The following SLC39A8 variants were observed in gnomAD, a reference collection of about 807,000 sequenced individuals.
The protein encoded by SLC39A8 is metal cation symporter ZIP8.
A neutral mutation model predicts 40.4 loss-of-function variants in SLC39A8; 15 were observed. The observed-to-expected ratio is 0.37, with a 90% CI of 0.25 to 0.57. The LOEUF (loss-of-function observed/expected upper bound fraction) is 0.57. SLC39A8 is among the 20% of genes least tolerant of loss of function. The pLI is 0.75. For synonymous variants in SLC39A8, 223 were observed against 221.6 expected (o/e 1.01, Z -0.06); for missense variants, 472 against 558.8 (o/e 0.84, Z 1.57).
intron 6 of SLC39A8, among the ~76,000 whole-genome samples, chr4:102,292,926 G>A (rs940135113): frequency 1.3e-5 from 2 of 151,986 alleles, no homozygotes; most frequent in Non-Finnish European, 2.9e-5. Context: ...AAGAAAGTGA[G>A]TTTTAGAAGT....
At chr4:102,299,215 A>G (rs1733805364) in intron 6 of SLC39A8, among the ~76,000 whole-genome samples, 2 of 151,948 alleles carry the variant, frequency 1.3e-5, no homozygotes, top group Admixed American at 6.6e-5. Context: ...ATGGAGAAAA[A>G]CACACCACCC....
chr4:102,312,823 G>A (rs1734490141), intron 3 of SLC39A8, among the ~76,000 whole-genome samples: 1 of 152,098 alleles, frequency 6.6e-6, no homozygotes, highest in Non-Finnish European at 1.5e-5. Flanking sequence ...GCAGGAAAAG[G>A]TTAAAGTCAT....
At chr4:102,265,537 A>T (rs945471520) in intron 8 of SLC39A8, among the ~76,000 whole-genome samples, 1 of 152,236 alleles carries the variant, frequency 6.6e-6, no homozygotes, top group Non-Finnish European at 1.5e-5. Flanking sequence ...TATTCAAAAA[A>T]TGGCACTGAC....
chr4:102,289,538 T>C (rs1733329172), intron 6 of SLC39A8, among the ~76,000 whole-genome samples: 2 of 152,126 alleles, frequency 1.3e-5, no homozygotes, highest in African/African-American at 4.8e-5. Context: ...GCAAAGGAAG[T>C]TGAAAACCTT....
chr4:102,257,199 TGCTAG>T, downstream of SLC39A8, among the ~76,000 whole-genome samples: 6 of 151,946 alleles, frequency 3.9e-5, no homozygotes, highest in African/African-American at 1.4e-4. Context: ...CTGTTACCCA[TGCTAG>T]AGTGCAGTGG....
At chr4:102,288,584 G>A (rs1733288379) in intron 6 of SLC39A8, among the ~76,000 whole-genome samples, 1 of 152,146 alleles carries the variant, frequency 6.6e-6, no homozygotes, top group South Asian at 2.1e-4. Flanking sequence ...TAGGTTTTGT[G>A]TGCCAAACAG....
chr4:102,323,112 G>C (rs1735034551), intron 2 of SLC39A8, among the ~76,000 whole-genome samples: 1 of 152,130 alleles, frequency 6.6e-6, no homozygotes, highest in Admixed American at 6.5e-5. Flanking sequence ...GCGATCTCCT[G>C]TTCTTTAAAG....
intron 6 of SLC39A8, among the ~76,000 whole-genome samples, chr4:102,288,844 T>C (rs1023357291): frequency 6.6e-6 from 1 of 152,108 alleles, no homozygotes; most frequent in Non-Finnish European, 1.5e-5. Context: ...AATTGGTTCA[T>C]TGGGTTTAAG....
intron 2 of SLC39A8, among the ~76,000 whole-genome samples, chr4:102,318,270 G>A (rs1411928814): frequency 6.6e-6 from 1 of 152,156 alleles, no homozygotes; most frequent in Non-Finnish European, 1.5e-5. Flanking sequence ...CAGGTGGTCA[G>A]GGATAGTCAC....
At chr4:102,315,437 TTAAGTGTACTAAATG>T (rs538318412) in intron 3 of SLC39A8, among the ~76,000 whole-genome samples, 89 of 152,276 alleles carry the variant, frequency 5.8e-4, no homozygotes, top group African/African-American at 2.1e-3. Context: ...TATAAAGTTT[TTAAGTGTACTAAATG>T]TAATTTTGAT....
At chr4:102,269,213 C>T (rs1236578972) in intron 6 of SLC39A8, among the ~76,000 whole-genome samples, 1 of 152,086 alleles carries the variant, frequency 6.6e-6, no homozygotes, top group African/African-American at 2.4e-5. Flanking sequence ...TACTTCAGAG[C>T]AACCATCTAA....
At chr4:102,285,874 T>C (rs1733159335) in intron 6 of SLC39A8, among the ~76,000 whole-genome samples, 1 of 152,152 alleles carries the variant, frequency 6.6e-6, no homozygotes, top group Non-Finnish European at 1.5e-5. Flanking sequence ...GAGATGGATT[T>C]CATTTATTAC....
chr4:102,268,748 G>A (rs557102463), intron 6 of SLC39A8, among the ~76,000 whole-genome samples: 1 of 152,288 alleles, frequency 6.6e-6, no homozygotes, highest in Non-Finnish European at 1.5e-5. Flanking sequence ...AGTGTAAATG[G>A]AACAGGCTAG....
intron 6 of SLC39A8, among the ~76,000 whole-genome samples, chr4:102,286,153 G>C (rs1295893412): frequency 2.0e-5 from 3 of 152,140 alleles, no homozygotes; most frequent in Non-Finnish European, 4.4e-5. Context: ...AATAGAATAA[G>C]TATTTAAATA....
intron 5 of SLC39A8, 68 bp downstream of exon 5, chr4:102,304,921 C>T: frequency 7.3e-7 from 1 of 1,373,114 alleles, no homozygotes. Flanking sequence ...AAATTTCTGT[C>T]TTTATTTGCC....
intron 6 of SLC39A8, among the ~76,000 whole-genome samples, chr4:102,287,099 A>G (rs1445376818): frequency 6.6e-6 from 1 of 152,132 alleles, no homozygotes; most frequent in Non-Finnish European, 1.5e-5. Flanking sequence ...ATTTAATATA[A>G]TAATAGCTAA....
intron 3 of SLC39A8, 22 bp downstream of exon 3, chr4:102,315,646 A>G (rs767765527): frequency 6.4e-7 from 1 of 1,570,458 alleles, no homozygotes; most frequent in Non-Finnish European, 8.6e-7. Flanking sequence ...CAAATAAAAG[A>G]GAAAAAATGC....
At chr4:102,297,930 CA>C (rs2149028838) in intron 6 of SLC39A8, among the ~76,000 whole-genome samples, 1 of 151,694 alleles carries the variant, frequency 6.6e-6, no homozygotes, top group Admixed American at 6.6e-5. Flanking sequence ...AACAACAAAA[CA>C]AAACAAAACT....
rs1310050970 is a variant in SLC39A8 at position 102,344,919 on chromosome 4, A to C, written c.-253-4T>G. 2 of 1,277,286 alleles carry C rather than the reference A, an allele frequency of 1.6e-6. No individual in the cohort carries two copies. Among genetic ancestry groups the C allele is most frequent in the East Asian group, 6.6e-5 (2 of 30,190 alleles). The allele number at this position is 1,277,286 out of a possible 1,614,324, so 79.1% of individuals were successfully genotyped here. On this transcript the variant is annotated splice_region_variant and splice_polypyrimidine_tract_variant and intron_variant, in intron 1 of 8. Transcript: ENST00000356736. ...GCCCCCCGGCCTCCTGGAGAGCCTG[A>C]GATAAAGAGGACAAAGGGGGACAGA...
Sources: allele counts gnomAD v4.1 joint callset (sites outside exome capture counted in the v4.1 genomes callset), GRCh38; gene constraint gnomAD v4.1.1; transcripts MANE v1.5; gene names NCBI Gene and HGNC (gene_info 2026-07-23, HGNC 2026-07-21).